ARHGAP39: variants seen among roughly 807,000 people sequenced by gnomAD.
ARHGAP39 encodes Rho GTPase activating protein 39.
A neutral mutation model predicts 106.9 loss-of-function variants in ARHGAP39; 44 were observed. The ratio of observed to expected loss-of-function variants is 0.41; its 90% CI spans 0.32 to 0.53. The LOEUF is 0.53. ARHGAP39 is among the 20% of genes least tolerant of loss of function. ARHGAP39 has a pLI of 0.21. For synonymous variants in ARHGAP39, 768 were observed against 693.2 expected, an observed-to-expected ratio of 1.11 and a Z score of -1.69; for missense variants, 1,496 against 1,577.3, an observed-to-expected ratio of 0.95 and a Z score of 0.87.
chr8:144,676,327 T>C (rs1005191706), intron 1 of ARHGAP39, among the ~76,000 whole-genome samples: 4 of 152,220 alleles, frequency 2.6e-5, no homozygotes, highest in Non-Finnish European at 5.9e-5. Flanking sequence ...TACAATACTT[T>C]AGCTAGACAC....
chr8:144,627,819 GCT>G (rs1395199972), intron 1 of ARHGAP39, among the ~76,000 whole-genome samples: 6 of 152,202 alleles, frequency 3.9e-5, no homozygotes, highest in Admixed American at 1.3e-4. Flanking sequence ...AGGCAGGTTG[GCT>G]CATGGAGACC....
At position 144,531,189 on chromosome 8, in the gene ARHGAP39, A is replaced by AGC. The variant is rs1275608838; in HGVS notation, c.2981-319_2981-318insGC. ...CAGGCACAGCTGAAGGGCACAGGGC[A>AGC]GAGAGCAGCAGGTGGGGAGTGGGCT... On this transcript the variant is annotated intron_variant, in intron 10 of 11. Transcript: ENST00000377307. Among the ~76,000 whole-genome samples the AGC allele has an allele frequency of 1.3e-5, 2 of 151,270 alleles. 1 individual carries two copies. Among genetic ancestry groups the AGC allele is most frequent in the African/African-American group, 4.9e-5 (2 of 41,056 alleles).
rs769152192 is a variant in ARHGAP39 at position 144,548,495 on chromosome 8, T to TG, written c.597-7dup. ...TCCACCGCAGCGAGGAGGTCCTGCG[T>TG]GGGGGGTGGACGGGCACAGGTGACT... On this transcript the variant is annotated splice_polypyrimidine_tract_variant and splice_region_variant and intron_variant, in intron 4 of 11. Coordinates refer to ENST00000377307, the MANE Select transcript of ARHGAP39 (RefSeq NM_025251.3). This position sits in a 1 kb window ranked among gnomAD's most constrained non-coding sequence, Gnocchi z 7.4. 149 of 1,606,316 alleles carry TG rather than the reference T, an allele frequency of 9.3e-5. No homozygotes were observed. The Middle Eastern group carries it at 9.9e-4, about 11-fold the overall frequency.
intron 1 of ARHGAP39, among the ~76,000 whole-genome samples, chr8:144,652,569 C>G (rs961395648): frequency 5.9e-5 from 9 of 152,160 alleles, no homozygotes; most frequent in Non-Finnish European, 1.2e-4. Context: ...CCATAGAATA[C>G]TATGCAGCCA....
intron 1 of ARHGAP39, among the ~76,000 whole-genome samples, chr8:144,615,310 A>AC (rs1820604954): frequency 6.6e-6 from 1 of 151,176 alleles, no homozygotes; most frequent in Non-Finnish European, 1.5e-5. Context: ...ACAAAGTGAG[A>AC]CCCCCTTCTC....
At chr8:144,583,530 C>T (rs1819078321) in intron 2 of ARHGAP39, among the ~76,000 whole-genome samples, 3 of 152,192 alleles carry the variant, frequency 2.0e-5, no homozygotes, top group Admixed American at 6.5e-5. Flanking sequence ...ACGAGGATCT[C>T]GTGGGGATCC....
intron 8 of ARHGAP39, 50 bp from the exon 9 acceptor site, chr8:144,533,375 C>T (rs927522476): frequency 1.3e-6 from 2 of 1,559,230 alleles, no homozygotes; most frequent in African/African-American, 2.7e-5. Context: ...TCCTCAGGAC[C>T]CCCCGCCACC....
intron 1 of ARHGAP39, among the ~76,000 whole-genome samples, chr8:144,619,140 T>G (rs1188473602): frequency 1.3e-5 from 2 of 152,026 alleles, no homozygotes; most frequent in Admixed American, 6.5e-5. Flanking sequence ...AAAGTTCCAG[T>G]CATGAGTGGG....
chr8:144,673,630 G>A (rs944541779), intron 1 of ARHGAP39, among the ~76,000 whole-genome samples: 19 of 152,208 alleles, frequency 1.2e-4, no homozygotes, highest in Non-Finnish European at 2.1e-4. Flanking sequence ...GAATTGTCAT[G>A]AGATCCTTGG....
intron 1 of ARHGAP39, among the ~76,000 whole-genome samples, chr8:144,685,323 G>A (rs1225559909): frequency 6.6e-6 from 1 of 151,512 alleles, no homozygotes; most frequent in Non-Finnish European, 1.5e-5. Context: ...ACCCACCTAG[G>A]GCAGGGACAC....
At chr8:144,629,684 G>A (rs185897399) in intron 1 of ARHGAP39, among the ~76,000 whole-genome samples, 120 of 152,364 alleles carry the variant, frequency 7.9e-4, no homozygotes, top group African/African-American at 2.9e-3. Context: ...TGACAGCAAT[G>A]AGCGCCTCTG....
chr8:144,618,314 T>C (rs1375335077), intron 1 of ARHGAP39, among the ~76,000 whole-genome samples: 2 of 152,250 alleles, frequency 1.3e-5, no homozygotes, highest in Non-Finnish European at 2.9e-5. Context: ...GAGGGGTCTG[T>C]CATGATCACG....
chr8:144,533,507 G>T (rs537054841), intron 8 of ARHGAP39, among the ~76,000 whole-genome samples, 182 bp from the exon 9 acceptor site: 2 of 152,204 alleles, frequency 1.3e-5, no homozygotes, highest in South Asian at 4.1e-4. Flanking sequence ...AGCCCTCCTC[G>T]CCCCCCAAAC....
In ARHGAP39 at chr8:144,530,515, C is replaced by T. The variant is rs138186373; in HGVS notation, c.3252G>A (p.Pro1084=). 5.5e-3 allele frequency: 8,914 copies of T among 1,612,004 alleles called. 45 individuals are homozygous for T. The highest frequency in any genetic ancestry group is 6.7e-3 in the Non-Finnish European group (7,921 of 1,179,678). Residue 1084 remains proline, a synonymous_variant, in exon 12 of 12, where the codon CCG becomes CCA. Coordinates refer to ENST00000377307, the MANE Select transcript of ARHGAP39 (RefSeq NM_025251.3). ...TGCGGGTGTTCTCGAAGATGACGCG[C>T]GGGTCGTCGGACTGGCAGCGCAAGC... ...PNCLRCQSDD[P]RVIFENTRKE...
rs138488684 is a variant in ARHGAP39 at position 144,547,205 on chromosome 8, G to T, written c.1881C>A (p.Phe627Leu). ...CGCTCTTCTCCAGCAGGATCTGGGG[G>T]AAGCCTAGCTTCTCGAAGGTGCCCC... Reference protein sequence around the residue: ...WRRGTFEKLGFPQILLEKSVS... With the variant: ...WRRGTFEKLGLPQILLEKSVS... Residue 627 changes from phenylalanine (F) to leucine (L), a missense_variant, in exon 5 of 12, where the codon TTC becomes TTA. Phe to Leu is a conservative substitution (Grantham distance 22). Around this residue, in one of 4 missense-constraint regions of ARHGAP39, gnomAD observed 905 missense variants for 816.4 expected, o/e 1.11. Transcript: ENST00000377307. The surrounding 1 kb of genome is among the most constrained non-coding windows in gnomAD (Gnocchi z 5.2). The T allele has an allele frequency of 4.3e-5, 69 of 1,612,438 alleles. 1 individual carries two copies. In the East Asian group the frequency reaches 1.4e-3, roughly 34 times the overall value.
Position 144,685,763 on chromosome 8 carries a change from C to T in ARHGAP39, c.-159G>A, listed in dbSNP as rs1311468198. Among the ~76,000 whole-genome samples the T allele has an allele frequency of 3.4e-5, 5 of 147,962 alleles. No individual in the cohort carries two copies. The highest frequency in any genetic ancestry group is 2.0e-4 in the East Asian group (1 of 5,108). On this transcript the variant is annotated 5_prime_UTR_variant, in exon 1 of 12. Transcript: ENST00000377307. ...GACGCGCGTGAGCCAGCCGCCGCTCCCCGGCCTCTCTGCTGCTCCGCCGCT... is the reference window on the plus strand; with the variant it reads ...GACGCGCGTGAGCCAGCCGCCGCTCTCCGGCCTCTCTGCTGCTCCGCCGCT...
chr8:144,694,657 G>T, the ARHGAP39 span, among the ~76,000 whole-genome samples: 7 of 152,282 alleles, frequency 4.6e-5, no homozygotes, highest in Admixed American at 3.9e-4. Context: ...GCTCTTTAAC[G>T]ATCTTCATGC....
chr8:144,600,427 C>T (rs1465139708), intron 2 of ARHGAP39, among the ~76,000 whole-genome samples: 15 of 129,212 alleles, frequency 1.2e-4, no homozygotes, highest in South Asian at 2.6e-4. Context: ...CCTGAGTGTG[C>T]GTGTTCGTGG....
At chr8:144,665,455 C>T (rs563566609) in intron 1 of ARHGAP39, among the ~76,000 whole-genome samples, 2 of 152,212 alleles carry the variant, frequency 1.3e-5, no homozygotes, top group Admixed American at 6.5e-5. Context: ...GTCGCCAGGC[C>T]ATGTCAGAGA....
Sources: gnomAD v4.1 joint callset for allele counts (sites outside exome capture counted in the v4.1 genomes callset) on GRCh38, gnomAD v4.1.1 for gene constraint, gnomAD v4.1.1 regional missense constraint, Gnocchi (gnomAD v3.1) non-coding constraint, MANE v1.5 for transcripts, NCBI Gene and HGNC (gene_info 2026-07-23, HGNC 2026-07-21) for gene names.